Variants in SETD3 observed in about 807,000 individuals in gnomAD.
SETD3 encodes actin-histidine N-methyltransferase.
SETD3 carries 19 observed loss-of-function variants against 63.0 expected under a neutral mutation model. That is an observed-to-expected ratio of 0.30 (90% CI 0.21 to 0.44). The LOEUF is 0.44. Ranked by LOEUF, SETD3 falls within the 20% of genes least tolerant of loss-of-function variation. The pLI is 1.00. For synonymous variants in SETD3, 286 were observed against 264.1 expected, an observed-to-expected ratio of 1.08 and a Z score of -0.80; for missense variants, 587 against 728.5, an observed-to-expected ratio of 0.81 and a Z score of 2.24.
At chr14:99,400,925 A>G (rs1363247624) in intron 11 of SETD3, among the ~76,000 whole-genome samples, 6 of 152,200 alleles carry the variant, frequency 3.9e-5, no homozygotes, top group Non-Finnish European at 7.4e-5. Flanking sequence ...GGATCACTTG[A>G]GCCCAGGCGT....
chr14:99,404,089 C>T, intron 11 of SETD3, 136 bp downstream of exon 11: 3 of 593,904 alleles, frequency 5.1e-6, no homozygotes, highest in Non-Finnish European at 8.6e-6. Flanking sequence ...CTTCTTTCTC[C>T]AGTATTGTAT....
rs752210156 is a variant in SETD3 at position 99,404,349 on chromosome 14, G to T, written c.1092-39C>A. On this transcript the variant is annotated intron_variant, in intron 10 of 12. Coordinates refer to ENST00000331768, the MANE Select transcript of SETD3 (RefSeq NM_032233.3). ...AAAGCAAGATCAGTCACCCTGCTGCGGTTACCCACTTGCTCCAAACTGAGA... is the reference window on the plus strand; with the variant it reads ...AAAGCAAGATCAGTCACCCTGCTGCTGTTACCCACTTGCTCCAAACTGAGA... 4.3e-5 allele frequency: 68 copies of T among 1,579,388 alleles called. No homozygotes were observed. The South Asian group carries it at 7.5e-4, about 18-fold the overall frequency.
At chr14:99,477,524 G>A (rs1423499849) in intron 1 of SETD3, among the ~76,000 whole-genome samples, 4 of 152,066 alleles carry the variant, frequency 2.6e-5, no homozygotes, top group East Asian at 1.9e-4. Context: ...GGAGGCTGAG[G>A]TGGGCGGATC....
At chr14:99,455,752 C>T (rs1429034278) in intron 6 of SETD3, among the ~76,000 whole-genome samples, 2 of 152,078 alleles carry the variant, frequency 1.3e-5, no homozygotes, top group Non-Finnish European at 2.9e-5. Flanking sequence ...GCACTTCTGA[C>T]ATTTGGGGCT....
intron 6 of SETD3, among the ~76,000 whole-genome samples, chr14:99,447,177 T>C (rs959267018): frequency 1.3e-5 from 2 of 152,254 alleles, no homozygotes; most frequent in East Asian, 1.9e-4. Context: ...TTCACCATGC[T>C]GGCCAGGCTG....
At chr14:99,476,683 T>C (rs747258111) in intron 1 of SETD3, among the ~76,000 whole-genome samples, 5 of 152,232 alleles carry the variant, frequency 3.3e-5, no homozygotes, top group Non-Finnish European at 5.9e-5. Context: ...ATATGTGTAA[T>C]AGAAAACTGC....
chr14:99,466,442 G>A (rs1232788539), intron 1 of SETD3, among the ~76,000 whole-genome samples: 1 of 152,200 alleles, frequency 6.6e-6, no homozygotes, highest in Admixed American at 6.5e-5. Context: ...GCCACACACG[G>A]GTCCTCTGCG....
At chr14:99,446,045 G>A (rs1275513702) in intron 6 of SETD3, among the ~76,000 whole-genome samples, 1 of 152,208 alleles carries the variant, frequency 6.6e-6, no homozygotes, top group Non-Finnish European at 1.5e-5. Flanking sequence ...CAGAGGAGAT[G>A]GAGGAAAAAC....
chr14:99,469,841 C>G (rs1221260373), intron 1 of SETD3, among the ~76,000 whole-genome samples: 2 of 152,242 alleles, frequency 1.3e-5, no homozygotes, highest in Non-Finnish European at 2.9e-5. Context: ...AGCAAACACA[C>G]CAGTCCTTGC....
At chr14:99,430,713 C>T (rs1004130716) in intron 6 of SETD3, among the ~76,000 whole-genome samples, 9 of 152,176 alleles carry the variant, frequency 5.9e-5, no homozygotes, top group African/African-American at 2.2e-4. Context: ...GATGCATCAG[C>T]GAGTGACTGA....
intron 6 of SETD3, among the ~76,000 whole-genome samples, chr14:99,417,298 T>A (rs893086643): frequency 2.0e-5 from 3 of 152,218 alleles, no homozygotes; most frequent in Non-Finnish European, 4.4e-5. Context: ...TATAGTCCCT[T>A]GATAAAAATG....
chr14:99,478,963 G>A (rs1896115311), intron 1 of SETD3, among the ~76,000 whole-genome samples: 2 of 152,180 alleles, frequency 1.3e-5, no homozygotes, highest in South Asian at 2.1e-4. Flanking sequence ...TCCACGGCAC[G>A]GAAGAGCAGC....
intron 6 of SETD3, among the ~76,000 whole-genome samples, chr14:99,443,372 C>T (rs1893947877): frequency 6.6e-6 from 1 of 151,558 alleles, no homozygotes; most frequent in Non-Finnish European, 1.5e-5. Context: ...CTGCCTCAGC[C>T]TCTTGAGTAG....
At chr14:99,448,032 T>G (rs947642454) in intron 6 of SETD3, among the ~76,000 whole-genome samples, 1 of 152,168 alleles carries the variant, frequency 6.6e-6, no homozygotes, top group African/African-American at 2.4e-5. Context: ...AAAACTAGAC[T>G]ATTTCTTTGT....
intron 1 of SETD3, among the ~76,000 whole-genome samples, chr14:99,471,629 T>C (rs776566381): frequency 2.0e-5 from 3 of 152,176 alleles, no homozygotes; most frequent in African/African-American, 4.8e-5. Context: ...CTGGGTAACA[T>C]AGCAAAATCC....
In SETD3 at chr14:99,406,506, C is replaced by A; in HGVS notation, c.924+10G>T. The A allele has an allele frequency of 1.2e-6, 2 of 1,613,832 alleles. No homozygotes were observed. Among genetic ancestry groups the A allele is most frequent in the East Asian group, 2.2e-5 (1 of 44,884 alleles). ...CTGGCTCACATTTTGTGAGATGCCA[C>A]GAGACCCACCTGCTCTCCAGCCCGA... On this transcript the variant is annotated intron_variant, in intron 9 of 12. Coordinates refer to ENST00000331768, the MANE Select transcript of SETD3 (RefSeq NM_032233.3).
chr14:99,404,349 G>A (rs752210156), intron 10 of SETD3, 39 bp from the exon 11 acceptor site: 7 of 1,579,390 alleles, frequency 4.4e-6, no homozygotes, highest in South Asian at 2.2e-5. Flanking sequence ...ACCCTGCTGC[G>A]GTTACCCACT....
intron 1 of SETD3, among the ~76,000 whole-genome samples, chr14:99,476,202 G>C (rs974065058): frequency 1.3e-5 from 2 of 152,180 alleles, no homozygotes; most frequent in African/African-American, 4.8e-5. Flanking sequence ...CTCAGTTTGT[G>C]TCAGAGCCTC....
intron 11 of SETD3, among the ~76,000 whole-genome samples, chr14:99,403,480 CTCTCTCTCTT>C (rs796511604): frequency 5.9e-4 from 83 of 140,192 alleles, no homozygotes; most frequent in African/African-American, 2.4e-3. Flanking sequence ...CTCTCTCTCT[CTCTCTCTCTT>C]TCTCTCTCTT....
Sources: gnomAD v4.1 joint callset for allele counts (sites outside exome capture counted in the v4.1 genomes callset) on GRCh38, gnomAD v4.1.1 for gene constraint, MANE v1.5 for transcripts, NCBI Gene and HGNC (gene_info 2026-07-23, HGNC 2026-07-21) for gene names.